Variants in FAM83B observed in about 807,000 individuals in gnomAD.
FAM83B encodes the protein protein FAM83B.
A neutral mutation model predicts 38.8 loss-of-function variants in FAM83B; 26 were observed. The observed-to-expected ratio is 0.67, with a 90% CI of 0.49 to 0.93. The LOEUF (loss-of-function observed/expected upper bound fraction) is 0.93. Ranked by LOEUF, FAM83B falls within the 40% of genes least tolerant of loss-of-function variation. The probability of loss-of-function intolerance (pLI) is 0.00; values close to 1 mark genes in which losing one functional copy is unlikely to be tolerated. For missense variants in FAM83B, 1,237 were observed against 1,197.3 expected (o/e 1.03, Z -0.49); for synonymous variants, 419 against 423.1 (o/e 0.99, Z 0.12).
At chr6:54,882,030 T>G (rs537759516) in intron 2 of FAM83B, among the ~76,000 whole-genome samples, 6 of 152,304 alleles carry the variant, frequency 3.9e-5, no homozygotes, top group African/African-American at 1.4e-4. Flanking sequence ...TTTCTGTCCT[T>G]GTGATAGTTT....
At position 54,890,479 on chromosome 6, in the gene FAM83B, T is replaced by G. The variant is rs548543401; in HGVS notation, c.444+19789T>G. On this transcript the variant is annotated intron_variant, in intron 2 of 4. Coordinates refer to ENST00000306858, the MANE Select transcript of FAM83B (RefSeq NM_001010872.3). ...ATAGATTTCCCAAAGCTTAGTTTCA[T>G]GTTAACTTGTATGTCCATATTATTT... Among the ~76,000 whole-genome samples, 3 of 152,280 alleles carry G rather than the reference T, an allele frequency of 2.0e-5. No homozygotes were observed. The East Asian group carries it at 5.8e-4, about 29-fold the overall frequency.
In FAM83B at chr6:54,942,551, A is replaced by T. The variant is rs778423072; in HGVS notation, c.*544A>T. The stretch of plus-strand genomic sequence containing the variant: ...TTTGGGCAACAGCAGTACCTTTTAC[A>T]TTTTTTATTTTTTATTTTTTTTTCT... On this transcript the variant is annotated 3_prime_UTR_variant, in exon 5 of 5. Transcript: ENST00000306858. Among the ~76,000 whole-genome samples, 9 of 150,796 alleles carry T rather than the reference A, an allele frequency of 6.0e-5. No individual in the cohort carries two copies. Among genetic ancestry groups the T allele is most frequent in the Non-Finnish European group, 1.2e-4 (8 of 67,948 alleles).
rs556090894 is a variant in FAM83B at position 54,884,292 on chromosome 6, C to T, written c.444+13602C>T. The stretch of plus-strand genomic sequence containing the variant: ...ACTCCAGCCTGGTGACAGAGCAAGA[C>T]CCCGTCTAAAAAAAAAAAAAAAAAA... On this transcript the variant is annotated intron_variant, in intron 2 of 4. Transcript: ENST00000306858. 4.9e-5 allele frequency among the ~76,000 whole-genome samples: 5 copies of T among 102,096 alleles called. No individual in the cohort carries two copies. The East Asian group carries it at 1.6e-3, about 32-fold the overall frequency. The allele number at this position is 102,096 out of a possible 152,430, so 67.0% of individuals were successfully genotyped here.
At chr6:54,870,137 C>A in intron 1 of FAM83B, 50 bp from the exon 2 acceptor site, 1 of 799,462 alleles carries the variant, frequency 1.3e-6, no homozygotes, top group South Asian at 1.8e-5. Context: ...ATAAAACATT[C>A]TGTTACCGAA....
At chr6:54,901,336 T>A (rs994937308) in intron 2 of FAM83B, among the ~76,000 whole-genome samples, 3 of 152,146 alleles carry the variant, frequency 2.0e-5, no homozygotes, top group African/African-American at 4.8e-5. Flanking sequence ...TGTTTCAGGT[T>A]TACAAAGTTT....
At chr6:54,916,192 C>A (rs978136260) in intron 2 of FAM83B, among the ~76,000 whole-genome samples, 2 of 152,132 alleles carry the variant, frequency 1.3e-5, no homozygotes, top group Non-Finnish European at 2.9e-5. Context: ...TTACAATTTT[C>A]CTTATGCAGA....
In FAM83B at chr6:54,940,355, A is replaced by C; in HGVS notation, c.1384A>C (p.Asn462His). Residue 462 changes from asparagine to histidine, a missense_variant, in exon 5 of 5, where the codon AAT becomes CAT. By Grantham distance (68) the Asn-to-His change is moderately conservative (BLOSUM62 1). Transcript: ENST00000306858. ...AACAAATCTTGCAGACAGGAATTCAAATGTTCGGAGGTCTTTTAATGGGAC... is the reference window on the plus strand; with the variant it reads ...AACAAATCTTGCAGACAGGAATTCACATGTTCGGAGGTCTTTTAATGGGAC... Reference protein sequence around the residue: ...KTTNLADRNSNVRRSFNGTDN... With the variant: ...KTTNLADRNSHVRRSFNGTDN... The C allele has an allele frequency of 6.2e-7, 1 of 1,614,088 alleles. No homozygotes were observed. The highest frequency in any genetic ancestry group is 8.5e-7 in the Non-Finnish European group (1 of 1,180,016).
intron 2 of FAM83B, among the ~76,000 whole-genome samples, chr6:54,875,743 A>G (rs9475054): frequency 0.023 from 2,898 of 128,580 alleles, 110 homozygotes; most frequent in African/African-American, 0.075. Context: ...GGGAAGGTGG[A>G]AGAAAGGGAG....
intron 2 of FAM83B, among the ~76,000 whole-genome samples, chr6:54,902,401 A>G (rs945135205): frequency 2.6e-5 from 4 of 152,124 alleles, no homozygotes; most frequent in African/African-American, 9.7e-5. Context: ...CAACTTCTAC[A>G]GGTAGAGATT....
At chr6:54,905,038 G>A (rs1440020062) in intron 2 of FAM83B, among the ~76,000 whole-genome samples, 5 of 152,184 alleles carry the variant, frequency 3.3e-5, no homozygotes, top group Non-Finnish European at 5.9e-5. Flanking sequence ...GTTAAGGCAG[G>A]ACCTGGAGTA....
intron 2 of FAM83B, among the ~76,000 whole-genome samples, chr6:54,876,315 A>G (rs1376785487): frequency 5.6e-5 from 4 of 71,794 alleles, no homozygotes; most frequent in Non-Finnish European, 9.1e-5. Flanking sequence ...ATATATATAT[A>G]TATATGTTTT....
At chr6:54,891,609 GTGGCCCAC>G (rs1276091464) in intron 2 of FAM83B, among the ~76,000 whole-genome samples, 1 of 152,066 alleles carries the variant, frequency 6.6e-6, no homozygotes, top group Non-Finnish European at 1.5e-5. Flanking sequence ...ATATTTACCT[GTGGCCCAC>G]TGGCCTATCA....
intron 2 of FAM83B, among the ~76,000 whole-genome samples, chr6:54,878,906 T>TG (rs1772060936): frequency 6.6e-6 from 1 of 152,082 alleles, no homozygotes; most frequent in South Asian, 2.1e-4. Context: ...GATGGTCAGG[T>TG]GGTGGCAGCA....
At chr6:54,922,323 A>G (rs1208165212) in intron 2 of FAM83B, among the ~76,000 whole-genome samples, 1 of 152,054 alleles carries the variant, frequency 6.6e-6, no homozygotes, top group African/African-American at 2.4e-5. Flanking sequence ...CTGTTTCTGT[A>G]TTCAAAAAAT....
Position 54,885,733 on chromosome 6 carries a change from C to T in FAM83B, c.444+15043C>T, listed in dbSNP as rs556918705. On this transcript the variant is annotated intron_variant, in intron 2 of 4. Transcript: ENST00000306858. ...ATCGCAAGGACTAAAAACCAAACAC[C>T]GCACGTTCTCACTCATAGGTGGGAA... Among the ~76,000 whole-genome samples, 8 of 150,732 alleles carry T rather than the reference C, an allele frequency of 5.3e-5. No individual in the cohort carries two copies. The South Asian group carries it at 1.5e-3, about 28-fold the overall frequency.
intron 2 of FAM83B, among the ~76,000 whole-genome samples, chr6:54,875,501 G>A (rs1044088141): frequency 1.3e-5 from 2 of 152,076 alleles, no homozygotes; most frequent in African/African-American, 4.8e-5. Flanking sequence ...ATAATATTTT[G>A]CTTAGTCAAA....
intron 1 of FAM83B, among the ~76,000 whole-genome samples, 162 bp downstream of exon 1, chr6:54,846,988 C>A (rs72954829): frequency 0.019 from 2,910 of 152,192 alleles, 62 homozygotes; most frequent in South Asian, 0.088. Context: ...GGAGCGCAGG[C>A]GGGATTGGAA....
chr6:54,885,410 CTTAA>C (rs1772250890), intron 2 of FAM83B, among the ~76,000 whole-genome samples: 1 of 151,556 alleles, frequency 6.6e-6, no homozygotes. Flanking sequence ...AATTTTTTGT[CTTAA>C]TTTTTTCTTT....
At chr6:54,890,230 A>G (rs958938634) in intron 2 of FAM83B, among the ~76,000 whole-genome samples, 1 of 89,038 alleles carries the variant, frequency 1.1e-5, no homozygotes, top group African/African-American at 7.5e-5. Context: ...TGTTTTATTG[A>G]ACCAAGTACA....
Sources: allele counts gnomAD v4.1 joint callset (sites outside exome capture counted in the v4.1 genomes callset), GRCh38; gene constraint gnomAD v4.1.1; transcripts MANE v1.5; gene names NCBI Gene and HGNC (gene_info 2026-07-23, HGNC 2026-07-21).